The following ADARB1 variants were observed in gnomAD, a reference collection of about 807,000 sequenced individuals.
ADARB1 encodes the protein adenosine deaminase RNA specific B1.
In ADARB1, 10 loss-of-function variants were observed where a neutral mutation model predicts 52.4. The observed-to-expected ratio is 0.19, with a 90% CI of 0.12 to 0.32. The LOEUF (loss-of-function observed/expected upper bound fraction) is 0.32, where lower values mean the gene tolerates loss of function less well. ADARB1 is among the 10% of genes least tolerant of loss of function. The pLI is 1.00. For synonymous variants in ADARB1, 349 were observed against 371.1 expected (o/e 0.94, Z 0.68); for missense variants, 643 against 922.3 (o/e 0.70, Z 3.92).
chr21:45,185,643 T>C (rs879295133), intron 8 of ADARB1, among the ~76,000 whole-genome samples: 2 of 152,218 alleles, frequency 1.3e-5, no homozygotes, highest in Non-Finnish European at 2.9e-5. Flanking sequence ...CTGGGAGATA[T>C]TCATCTTTCA....
chr21:45,113,499 G>GTGTGTGTGTGTGTATATA (rs1204389278), intron 1 of ADARB1, among the ~76,000 whole-genome samples: 358 of 28,190 alleles, frequency 0.013, 2 homozygotes, highest in Middle Eastern at 0.058. Context: ...GTGTATATAT[G>GTGTGTGTGTGTGTATATA]TGTGTGTGTG....
chr21:45,104,432 G>C (rs2087160319), intron 1 of ADARB1, among the ~76,000 whole-genome samples: 2 of 152,182 alleles, frequency 1.3e-5, no homozygotes, highest in Non-Finnish European at 2.9e-5. Flanking sequence ...TTCCAAGAAA[G>C]AGCAGGGAAG....
At position 45,176,310 on chromosome 21, in the gene ADARB1, C is replaced by T. The variant is rs774242215; in HGVS notation, c.609C>T (p.Ser203=). ...ATGGGGATGACTCCTTCAGTTCCAG[C>T]GGGGACCTCAGCTTGTCTGCTTCCC... ...GSNGDDSFSS[S]GDLSLSASPV... The change falls in exon 4 of 11, where the codon AGC becomes AGT. Residue 203 remains serine, a synonymous_variant. Transcript: ENST00000348831. This position sits in a 1 kb window ranked among gnomAD's most constrained non-coding sequence, Gnocchi z 5.8. 41 of 1,614,004 alleles carry T rather than the reference C, an allele frequency of 2.5e-5. 1 individual carries two copies. In the East Asian group the frequency reaches 4.5e-4, roughly 18 times the overall value.
At position 45,200,262 on chromosome 21, in the gene ADARB1, C is replaced by G. The variant is rs2092522000; in HGVS notation, c.1566-4293C>G. ...GCCACAGCACTGCCATTGGAGGTCA[C>G]CAGGGTGTCCATCCCACTGGCAGGC... is the stretch of plus-strand genomic sequence containing the variant. On this transcript the variant is annotated intron_variant, in intron 8 of 10. Coordinates refer to ENST00000348831, the MANE Select transcript of ADARB1 (RefSeq NM_001112.4). The surrounding 1 kb of genome is among the most constrained non-coding windows in gnomAD (Gnocchi z 5.0). 6.6e-6 allele frequency among the ~76,000 whole-genome samples: 1 copy of G among 152,180 alleles called. No individual in the cohort carries two copies. Among genetic ancestry groups the G allele is most frequent in the African/African-American group, 2.4e-5 (1 of 41,444 alleles).
At chr21:45,184,598 G>A in intron 7 of ADARB1, 1 of 333,982 alleles carries the variant, frequency 3.0e-6, no homozygotes. Context: ...CTACAGGCAT[G>A]TACCACTATA....
chr21:45,081,385 CT>C (rs1363573699), intron 1 of ADARB1, among the ~76,000 whole-genome samples: 2 of 152,172 alleles, frequency 1.3e-5, no homozygotes, highest in Non-Finnish European at 2.9e-5. Context: ...CTGTTTTTCA[CT>C]TTTGGCATAG....
chr21:45,074,958 G>A (rs551347851), intron 1 of ADARB1, among the ~76,000 whole-genome samples, 165 bp downstream of exon 1: 1 of 150,808 alleles, frequency 6.6e-6, no homozygotes, highest in South Asian at 2.1e-4. Flanking sequence ...CCGCGGCACC[G>A]CCTCGCACCC....
rs978612182 is a variant in ADARB1, at chr21:45,225,597, G to A, written c.*3400G>A. ...TCTTCACATTGTGCACAGATCTGAGGATGGGATTAGCGAAGCTGTGGAGAC... is the reference window on the plus strand; with the variant it reads ...TCTTCACATTGTGCACAGATCTGAGAATGGGATTAGCGAAGCTGTGGAGAC... On this transcript the variant is annotated 3_prime_UTR_variant, in exon 11 of 11. Transcript: ENST00000348831. 9.8e-6 allele frequency: 13 copies of A among 1,320,706 alleles called. No individual in the cohort carries two copies. Among genetic ancestry groups the A allele is most frequent in the Non-Finnish European group, 5.9e-6 (6 of 1,023,170 alleles). 81.8% of individuals were successfully genotyped at this position (1,320,706 alleles called of 1,614,324 possible).
chr21:45,136,663 C>G (rs748548426), intron 2 of ADARB1, among the ~76,000 whole-genome samples: 14 of 152,252 alleles, frequency 9.2e-5, no homozygotes, highest in Non-Finnish European at 2.1e-4. Flanking sequence ...AGTAGAGCTG[C>G]CCCACCAGCC....
At position 45,113,938 on chromosome 21, in the gene ADARB1, C is replaced by T. The variant is rs563647552; in HGVS notation, c.-219-14464C>T. Among the ~76,000 whole-genome samples, 3 of 152,286 alleles carry T rather than the reference C, an allele frequency of 2.0e-5. No homozygotes were observed. In the South Asian group the frequency reaches 6.2e-4, roughly 32 times the overall value. The stretch of plus-strand genomic sequence containing the variant: ...AGCACGTATAAGAAAATTTATAATT[C>T]AGTTAGTTAAAAATATGTTTGAGCA... On this transcript the variant is annotated intron_variant, in intron 1 of 10. Coordinates refer to ENST00000348831, the MANE Select transcript of ADARB1 (RefSeq NM_001112.4).
At chr21:45,075,124 G>A (rs2085868260) in intron 1 of ADARB1, among the ~76,000 whole-genome samples, 1 of 151,452 alleles carries the variant, frequency 6.6e-6, no homozygotes, top group Non-Finnish European at 1.5e-5. Flanking sequence ...GCTGCGCCCT[G>A]GGGACCGAGA....
At chr21:45,099,082 A>G (rs962894002) in intron 1 of ADARB1, among the ~76,000 whole-genome samples, 1 of 152,188 alleles carries the variant, frequency 6.6e-6, no homozygotes, top group Admixed American at 6.5e-5. Flanking sequence ...TTTAGAGGTG[A>G]CATGTGATAG....
chr21:45,174,658 G>A lies in ADARB1; in HGVS notation c.29-1072G>A, dbSNP rs896406212. On this transcript the variant is annotated intron_variant, in intron 3 of 10. Transcript: ENST00000348831. ...GTGGAGGTTGCAGTGAGCCGAGATC[G>A]CGCCACTGCACCCCAGTCTCAAAAA... is the stretch of plus-strand genomic sequence containing the variant. Among the ~76,000 whole-genome samples, 19 of 152,058 alleles carry A rather than the reference G, an allele frequency of 1.2e-4. No homozygotes were observed. The South Asian group carries it at 1.5e-3, about 12-fold the overall frequency.
chr21:45,172,984 T>C lies in ADARB1; in HGVS notation c.28+1300T>C, dbSNP rs2146126073. The stretch of plus-strand genomic sequence containing the variant: ...CGTCCATACTCCTCATTTGAGAAAA[T>C]GTGACCTGTGCTTGGCCCGTGCAGT... On this transcript the variant is annotated intron_variant, in intron 3 of 10. Transcript: ENST00000348831. The surrounding 1 kb of genome is among the most constrained non-coding windows in gnomAD (Gnocchi z 4.4). Among the ~76,000 whole-genome samples, 1 of 152,314 alleles carries C rather than the reference T, an allele frequency of 6.6e-6. No homozygotes were observed. The highest frequency in any genetic ancestry group is 2.4e-5 in the African/African-American group (1 of 41,570).
Position 45,221,902 on chromosome 21 carries a change from T to C in ADARB1, c.1927-116T>C. 8.7e-7 allele frequency: 1 copy of C among 1,143,846 alleles called. No individual in the cohort carries two copies. Among genetic ancestry groups the C allele is most frequent in the Non-Finnish European group, 1.2e-6 (1 of 805,584 alleles). The allele number at this position is 1,143,846 out of a possible 1,614,324, so 70.9% of individuals were successfully genotyped here. ...TGGCAGAAGGCGCCTTCCTCTGGGT[T>C]GCTTTCCCCCCAGAAGCCAATGCAG... On this transcript the variant is annotated intron_variant, in intron 10 of 10. Coordinates refer to ENST00000348831, the MANE Select transcript of ADARB1 (RefSeq NM_001112.4). The surrounding 1 kb of genome is among the most constrained non-coding windows in gnomAD (Gnocchi z 4.9).
chr21:45,176,778 C>T lies in ADARB1; in HGVS notation c.963+114C>T, dbSNP rs1386755341. On this transcript the variant is annotated intron_variant, in intron 4 of 10. Coordinates refer to ENST00000348831, the MANE Select transcript of ADARB1 (RefSeq NM_001112.4). This position sits in a 1 kb window ranked among gnomAD's most constrained non-coding sequence, Gnocchi z 5.8. ...ACTTTCCACCTTGACATCACTCTGTCCCCACCAGGAGGAGTTACTGGTAAG... is the reference window on the plus strand; with the variant it reads ...ACTTTCCACCTTGACATCACTCTGTTCCCACCAGGAGGAGTTACTGGTAAG... 3.4e-6 allele frequency: 4 copies of T among 1,186,422 alleles called. No individual in the cohort carries two copies. Among genetic ancestry groups the T allele is most frequent in the Non-Finnish European group, 4.6e-6 (4 of 866,734 alleles). 73.5% of individuals were successfully genotyped at this position (1,186,422 alleles called of 1,614,324 possible). A position where few individuals can be genotyped will look rare whatever the true frequency, so the allele number is the denominator to read the frequency against.
At position 45,208,827 on chromosome 21, in the gene ADARB1, T is replaced by G. The variant is rs937518808; in HGVS notation, c.1747+4091T>G. Reference sequence around the variant, plus strand: ...ATGTGAGTTTCCTCCTTGCCCTGGTTTCTAGGAGGAGTGAACGTGCCATGA... The same window carrying G: ...ATGTGAGTTTCCTCCTTGCCCTGGTGTCTAGGAGGAGTGAACGTGCCATGA... On this transcript the variant is annotated intron_variant, in intron 9 of 10. Transcript: ENST00000348831. The surrounding 1 kb of genome is among the most constrained non-coding windows in gnomAD (Gnocchi z 5.6). Among the ~76,000 whole-genome samples, 1 of 152,040 alleles carries G rather than the reference T, an allele frequency of 6.6e-6. No homozygotes were observed. Among genetic ancestry groups the G allele is most frequent in the Non-Finnish European group, 1.5e-5 (1 of 67,996 alleles).
intron 3 of ADARB1, among the ~76,000 whole-genome samples, chr21:45,174,810 A>C (rs2091630084): frequency 6.6e-6 from 1 of 152,208 alleles, no homozygotes; most frequent in Non-Finnish European, 1.5e-5. Flanking sequence ...TGTCTGTATT[A>C]ATTCAAAATC....
intron 1 of ADARB1, among the ~76,000 whole-genome samples, chr21:45,124,791 G>A (rs550033236): frequency 4.9e-4 from 71 of 144,590 alleles, no homozygotes; most frequent in African/African-American, 1.1e-3. Context: ...GTGTGTATGT[G>A]TGTGTGTGTG....
Sources: allele counts gnomAD v4.1 joint callset (sites outside exome capture counted in the v4.1 genomes callset), GRCh38; gene constraint gnomAD v4.1.1; non-coding constraint Gnocchi (gnomAD v3.1); transcripts MANE v1.5; gene names NCBI Gene and HGNC (gene_info 2026-07-23, HGNC 2026-07-21).